The following COQ7 variants were observed in gnomAD, a reference collection of about 807,000 sequenced individuals.
The protein encoded by COQ7 is NADPH-dependent 3-demethoxyubiquinone 3-hydroxylase, mitochondrial.
Under a neutral mutation model 25.0 loss-of-function variants are expected in COQ7, and 21 were observed. That is an observed-to-expected ratio of 0.84 (90% CI 0.60 to 1.21). The LOEUF (loss-of-function observed/expected upper bound fraction) is 1.21. Ranked by LOEUF, COQ7 falls within the 50% of genes most tolerant of loss-of-function variation. The probability of loss-of-function intolerance (pLI) is 0.00; values close to 1 mark genes in which losing one functional copy is unlikely to be tolerated. For missense variants in COQ7, 311 were observed against 296.2 expected (o/e 1.05, Z -0.37); for synonymous variants, 125 against 112.4 (o/e 1.11, Z -0.71).
At chr16:19,067,890 C>G (rs1962312057) in intron 1 of COQ7, 153 bp downstream of exon 1, 1 of 1,494,200 alleles carries the variant, frequency 6.7e-7, no homozygotes, top group Non-Finnish European at 8.8e-7. Context: ...CTCCGGGGCG[C>G]TGGCGGGCGG....
chr16:19,077,285 G>A (rs1373206521), intron 4 of COQ7, 21 bp from the exon 5 acceptor site: 2 of 1,610,540 alleles, frequency 1.2e-6, no homozygotes, highest in East Asian at 2.2e-5. Flanking sequence ...AACTTGCTTT[G>A]GTGTCTTTTT....
At chr16:19,068,365 C>T in intron 1 of COQ7, 2 of 989,798 alleles carry the variant, frequency 2.0e-6, no homozygotes, top group South Asian at 4.5e-5. Context: ...AGAAAATTGT[C>T]ATGAGCCCGG....
At chr16:19,081,843 C>T (rs1226882284), downstream of COQ7, among the ~76,000 whole-genome samples, 1 of 152,138 alleles carries the variant, frequency 6.6e-6, no homozygotes, top group African/African-American at 2.4e-5. Context: ...GTATTTTAGA[C>T]TAACCCTACT....
At position 19,079,311 on chromosome 16, in the gene COQ7, G is replaced by A. The variant is rs943764685; in HGVS notation, c.*1153G>A. 6.6e-6 allele frequency: 1 copy of A among 152,014 alleles called. No homozygotes were observed. Among genetic ancestry groups the A allele is most frequent in the African/African-American group, 2.4e-5 (1 of 41,382 alleles). 9.4% of individuals were successfully genotyped at this position (152,014 alleles called of 1,614,324 possible). Reference sequence around the variant, plus strand: ...AGCAGCCTGAACAGACTAAGACGGGGGTGTTGCTTCCATCAAAGGATGTAC... The same window carrying A: ...AGCAGCCTGAACAGACTAAGACGGGAGTGTTGCTTCCATCAAAGGATGTAC... On this transcript the variant is annotated 3_prime_UTR_variant, in exon 6 of 6. Transcript: ENST00000321998.
downstream of COQ7, among the ~76,000 whole-genome samples, chr16:19,082,761 TG>T: frequency 9.5e-6 from 1 of 105,344 alleles, no homozygotes. Flanking sequence ...AGTGAGACTC[TG>T]TCTAAAAAAA....
chr16:19,078,238 A>T lies in COQ7; in HGVS notation c.*80A>T. Reference sequence around the variant, plus strand: ...TTTGCAGAGAAACAGGTGTACAGTTATCGTTGTACTTTTGTACAATGTGAA... The same window carrying T: ...TTTGCAGAGAAACAGGTGTACAGTTTTCGTTGTACTTTTGTACAATGTGAA... On this transcript the variant is annotated 3_prime_UTR_variant, in exon 6 of 6. Coordinates refer to ENST00000321998, the MANE Select transcript of COQ7 (RefSeq NM_016138.5). 9.4e-7 allele frequency: 1 copy of T among 1,063,594 alleles called. No individual in the cohort carries two copies. Among genetic ancestry groups the T allele is most frequent in the Non-Finnish European group, 1.4e-6 (1 of 728,226 alleles). The allele number at this position is 1,063,594 out of a possible 1,614,324, so 65.9% of individuals were successfully genotyped here. A position where few individuals can be genotyped will look rare whatever the true frequency, so the allele number is the denominator to read the frequency against.
At chr16:19,074,844 C>T (rs1279189947) in intron 3 of COQ7, among the ~76,000 whole-genome samples, 1 of 152,044 alleles carries the variant, frequency 6.6e-6, no homozygotes, top group Non-Finnish European at 1.5e-5. Flanking sequence ...TGCACCTGGC[C>T]TAATGTCAGT....
chr16:19,072,080 C>A lies in COQ7; in HGVS notation c.226C>A (p.Arg76=), dbSNP rs370724921. Residue 76 remains arginine (R), a synonymous_variant, in exon 2 of 6, where the codon CGG becomes AGG. Coordinates refer to ENST00000321998, the MANE Select transcript of COQ7 (RefSeq NM_016138.5). ...TGCCGGGCAGATGGCTGTCCTGGGT[C>A]GGACCAGCGTCGGGCCAGTCATTCA... ...IYAGQMAVLG[R]TSVGPVIQKM... 2.5e-6 allele frequency: 4 copies of A among 1,614,106 alleles called. No homozygotes were observed. The South Asian group carries it at 4.4e-5, about 18-fold the overall frequency.
rs557167760 is a variant in COQ7, at chr16:19,077,382, C to T, written c.576+8C>T. On this transcript the variant is annotated splice_region_variant and intron_variant, in intron 5 of 5. Coordinates refer to ENST00000321998, the MANE Select transcript of COQ7 (RefSeq NM_016138.5). ...GACCATGATGCAGAATTGGTAGGGC[C>T]CTACTGTTACCTGTTCTGCTTTGGG... 1 of 1,612,638 alleles carries T rather than the reference C, an allele frequency of 6.2e-7. No individual in the cohort carries two copies. The highest frequency in any genetic ancestry group is 1.1e-5 in the South Asian group (1 of 90,982).
chr16:19,082,487 A>G (rs1449132959), downstream of COQ7, among the ~76,000 whole-genome samples: 2 of 143,452 alleles, frequency 1.4e-5, no homozygotes, highest in African/African-American at 5.2e-5. Context: ...CTTTGAGAAG[A>G]AAAAAAAAAA....
rs763957708 is a variant in COQ7, at chr16:19,075,732, G to A, written c.379G>A (p.Ala127Thr). The change falls in exon 4 of 6, where the codon GCC becomes ACC. Residue 127 changes from alanine (A) to threonine (T), a missense_variant. Physicochemically the swap from Ala to Thr is moderately conservative, Grantham distance 58. Coordinates refer to ENST00000321998, the MANE Select transcript of COQ7 (RefSeq NM_016138.5). ...TTTAACAATCCCAGGGGCGGGGACC[G>A]CCTTGCTCGGGAAGGAAGGTGCCAT... is the stretch of plus-strand genomic sequence containing the variant. ...VLGFALGAGT[A>T]LLGKEGAMAC... 7.6e-6 allele frequency: 12 copies of A among 1,582,782 alleles called. No individual in the cohort carries two copies. The highest frequency in any genetic ancestry group is 1.7e-4 in the Middle Eastern group (1 of 5,898).
At chr16:19,082,486 GAAAA>G (rs75633156), downstream of COQ7, among the ~76,000 whole-genome samples, 1 of 142,462 alleles carries the variant, frequency 7.0e-6, no homozygotes, top group Admixed American at 7.1e-5. Flanking sequence ...ACTTTGAGAA[GAAAA>G]AAAAAAAAGT....
downstream of COQ7, among the ~76,000 whole-genome samples, chr16:19,081,387 A>G (rs543032596): frequency 8.5e-5 from 13 of 152,326 alleles, no homozygotes; most frequent in South Asian, 2.7e-3. Flanking sequence ...CTTGACTTGC[A>G]GAGCCAAAAA....
chr16:19,070,328 A>G (rs983613476), intron 1 of COQ7, among the ~76,000 whole-genome samples: 1 of 152,264 alleles, frequency 6.6e-6, no homozygotes, highest in Non-Finnish European at 1.5e-5. Flanking sequence ...ATATGTATCT[A>G]AAATGAATTT....
intron 1 of COQ7, chr16:19,068,049 GA>G: frequency 8.1e-7 from 1 of 1,232,602 alleles, no homozygotes. Flanking sequence ...TGGCGACACT[GA>G]AAATTCAGCG....
chr16:19,075,875 T>C lies in COQ7; in HGVS notation c.507+15T>C. 6.2e-7 allele frequency: 1 copy of C among 1,614,130 alleles called. No homozygotes were observed. ...AACTTCTTCAGGTATTTATCCGTGC[T>C]CTAGAACGGGGCTGCTCAAGGAGGA... On this transcript the variant is annotated intron_variant, in intron 4 of 5. Transcript: ENST00000321998.
At chr16:19,072,158 A>G (rs749328466) in intron 2 of COQ7, 52 bp downstream of exon 2, 9 of 1,599,856 alleles carry the variant, frequency 5.6e-6, no homozygotes, top group African/African-American at 2.7e-5. Context: ...GGCAGATCCA[A>G]AGGACTTCAA....
chr16:19,078,218 A>G lies in COQ7; in HGVS notation c.*60A>G. ...TAGTAATTTACCAAGTGACATTTGCAGAGAAACAGGTGTACAGTTATCGTT... is the reference window on the plus strand; with the variant it reads ...TAGTAATTTACCAAGTGACATTTGCGGAGAAACAGGTGTACAGTTATCGTT... On this transcript the variant is annotated 3_prime_UTR_variant, in exon 6 of 6. Coordinates refer to ENST00000321998, the MANE Select transcript of COQ7 (RefSeq NM_016138.5). The G allele has an allele frequency of 7.7e-7, 1 of 1,298,492 alleles. No homozygotes were observed. The highest frequency in any genetic ancestry group is 1.1e-6 in the Non-Finnish European group (1 of 906,632). The allele number at this position is 1,298,492 out of a possible 1,614,324, so 80.4% of individuals were successfully genotyped here. A position where few individuals can be genotyped will look rare whatever the true frequency, so the allele number is the denominator to read the frequency against.
chr16:19,067,657 T>G lies in COQ7; in HGVS notation c.-8T>G, dbSNP rs952894372. 1 of 1,613,562 alleles carries G rather than the reference T, an allele frequency of 6.2e-7. No individual in the cohort carries two copies. Among genetic ancestry groups the G allele is most frequent in the Non-Finnish European group, 8.5e-7 (1 of 1,179,724 alleles). On this transcript the variant is annotated 5_prime_UTR_variant, in exon 1 of 6. Transcript: ENST00000321998. ...TCAACGAAGTGGTTGCTTTTTTTAGTTCCGGCAATGAGTTGCGCCGGGGCG... is the reference window on the plus strand; with the variant it reads ...TCAACGAAGTGGTTGCTTTTTTTAGGTCCGGCAATGAGTTGCGCCGGGGCG...
Sources: allele counts gnomAD v4.1 joint callset (sites outside exome capture counted in the v4.1 genomes callset), GRCh38; gene constraint gnomAD v4.1.1; transcripts MANE v1.5; gene names NCBI Gene and HGNC (gene_info 2026-07-23, HGNC 2026-07-21).